The following ALCAM variants were observed in gnomAD, a reference collection of about 807,000 sequenced individuals.
ALCAM encodes CD166 antigen.
ALCAM carries 30 observed loss-of-function variants against 70.9 expected under a neutral mutation model. The observed-to-expected ratio is 0.42, with a 90% confidence interval of 0.32 to 0.57. The LOEUF is 0.57. ALCAM is among the 20% of genes least tolerant of loss of function. The probability of loss-of-function intolerance (pLI) is 0.11; values close to 1 mark genes in which losing one functional copy is unlikely to be tolerated. For missense variants in ALCAM, 591 were observed against 695.1 expected (o/e 0.85, Z 1.68); for synonymous variants, 249 against 242.5 (o/e 1.03, Z -0.25).
chr3:105,418,638 C>T (rs978093193), intron 1 of ALCAM, among the ~76,000 whole-genome samples: 1 of 151,648 alleles, frequency 6.6e-6, no homozygotes, highest in East Asian at 1.9e-4. Flanking sequence ...TTTTGTCTTG[C>T]CACTAAGTTA....
intron 1 of ALCAM, among the ~76,000 whole-genome samples, chr3:105,468,131 C>G (rs1355203557): frequency 6.6e-6 from 1 of 151,316 alleles, no homozygotes; most frequent in Admixed American, 6.6e-5. Context: ...AGGGGAGCGT[C>G]TGATTCAGAC....
chr3:105,508,531 C>T (rs1019467143), intron 1 of ALCAM, among the ~76,000 whole-genome samples: 8 of 152,062 alleles, frequency 5.3e-5, no homozygotes, highest in Non-Finnish European at 8.8e-5. Flanking sequence ...AAGAATGTTG[C>T]AAACTATAAA....
Position 105,571,889 on chromosome 3 carries a change from A to G in ALCAM, c.1702A>G (p.Met568Val), listed in dbSNP as rs1281156023. The G allele has an allele frequency of 6.2e-7, 1 of 1,613,630 alleles. No homozygotes were observed. Among genetic ancestry groups the G allele is most frequent in the African/African-American group, 1.3e-5 (1 of 75,042 alleles). The part of the protein sequence containing the change: ...SKHVNKDLGN[M>V]EENKKLEENN... ...ACATGTAAACAAGGACCTCGGTAATATGGAAGAAAACAAAAAGTTAGAAGA... is the reference window on the plus strand; with the variant it reads ...ACATGTAAACAAGGACCTCGGTAATGTGGAAGAAAACAAAAAGTTAGAAGA... The change falls in exon 15 of 16, where the codon ATG (methionine) becomes GTG (valine). Residue 568 changes from methionine to valine, a missense_variant. Physicochemically the swap from Met to Val is conservative, Grantham distance 21. Around this residue, in one of 2 missense-constraint regions of ALCAM, gnomAD observed 164 missense variants for 244.7 expected, o/e 0.67. Transcript: ENST00000306107.
chr3:105,459,874 G>A (rs1470216405), intron 1 of ALCAM, among the ~76,000 whole-genome samples: 1 of 152,002 alleles, frequency 6.6e-6, no homozygotes, highest in African/African-American at 2.4e-5. Flanking sequence ...CACTCTAATA[G>A]ACTAATTAGA....
At chr3:105,510,398 T>G (rs950912693) in intron 1 of ALCAM, among the ~76,000 whole-genome samples, 1 of 152,090 alleles carries the variant, frequency 6.6e-6, no homozygotes, top group Non-Finnish European at 1.5e-5. Context: ...AGTGTAACCT[T>G]AGCACAAATC....
At chr3:105,493,332 A>G (rs1024780610) in intron 1 of ALCAM, among the ~76,000 whole-genome samples, 1 of 152,210 alleles carries the variant, frequency 6.6e-6, no homozygotes, top group Non-Finnish European at 1.5e-5. Flanking sequence ...AATCACATTT[A>G]TTAAGCACAT....
intron 1 of ALCAM, among the ~76,000 whole-genome samples, chr3:105,484,046 C>T (rs1416292357): frequency 2.0e-5 from 3 of 151,838 alleles, no homozygotes; most frequent in Non-Finnish European, 4.4e-5. Context: ...AGAAAGCTGT[C>T]GCCTAACATT....
At position 105,533,700 on chromosome 3, in the gene ALCAM, A is replaced by G. The variant is rs753218420; in HGVS notation, c.547+10A>G. ...CATCCCCTTGAAGGAGGTGGGTGTG[A>G]GGGCAGGAGGACAGGGAGTACATTC... On this transcript the variant is annotated intron_variant, in intron 5 of 15. Transcript: ENST00000306107. The G allele has an allele frequency of 2.4e-5, 38 of 1,608,540 alleles. No homozygotes were observed. The South Asian group carries it at 4.1e-4, about 17-fold the overall frequency.
chr3:105,496,827 G>GGT lies in ALCAM; in HGVS notation c.74-23212_74-23211dup, dbSNP rs1553728769. On this transcript the variant is annotated intron_variant, in intron 1 of 15. Coordinates refer to ENST00000306107, the MANE Select transcript of ALCAM (RefSeq NM_001627.4). The stretch of plus-strand genomic sequence containing the variant: ...TTAGATATTCTGATAGTCCAATTGA[G>GGT]GTGTGTGTGTGTGTGTGTGTGTGTG... Among the ~76,000 whole-genome samples, 961 of 103,882 alleles carry GGT rather than the reference G, an allele frequency of 9.3e-3. 12 individuals carry two copies. Among genetic ancestry groups the GGT allele is most frequent in the African/African-American group, 0.032 (926 of 29,060 alleles). The allele number at this position is 103,882 out of a possible 152,430, so 68.2% of individuals were successfully genotyped here. A position where few individuals can be genotyped will look rare whatever the true frequency, so the allele number is the denominator to read the frequency against.
intron 1 of ALCAM, among the ~76,000 whole-genome samples, chr3:105,470,170 C>T (rs1378506116): frequency 1.4e-5 from 2 of 147,814 alleles, no homozygotes; most frequent in Middle Eastern, 3.5e-3. Flanking sequence ...CACATATTAG[C>T]ATGGTTGATA....
At chr3:105,484,317 T>C (rs1270571113) in intron 1 of ALCAM, among the ~76,000 whole-genome samples, 1 of 149,942 alleles carries the variant, frequency 6.7e-6, no homozygotes, top group Non-Finnish European at 1.5e-5. Flanking sequence ...TATTTATTTA[T>C]ATAAACTGGG....
At chr3:105,542,157 T>C (rs868583364) in intron 8 of ALCAM, among the ~76,000 whole-genome samples, 2 of 151,964 alleles carry the variant, frequency 1.3e-5, no homozygotes, top group Middle Eastern at 3.4e-3. Context: ...CAGAATAAAT[T>C]TAACACCCAA....
chr3:105,568,572 T>C (rs1317348183), intron 14 of ALCAM, among the ~76,000 whole-genome samples: 1 of 152,216 alleles, frequency 6.6e-6, no homozygotes, highest in African/African-American at 2.4e-5. Flanking sequence ...CTTTGAAATT[T>C]CTCCCACATA....
chr3:105,372,125 T>G (rs1388562167), intron 1 of ALCAM, among the ~76,000 whole-genome samples: 1 of 152,116 alleles, frequency 6.6e-6, no homozygotes, highest in Non-Finnish European at 1.5e-5. Context: ...TTTGATTACT[T>G]TTTTTATTAG....
chr3:105,389,398 T>TA (rs1553718636), intron 1 of ALCAM, among the ~76,000 whole-genome samples: 9 of 127,886 alleles, frequency 7.0e-5, no homozygotes, highest in East Asian at 5.4e-4. Context: ...TTTTTTTTTT[T>TA]CTAAAAAACA....
intron 1 of ALCAM, among the ~76,000 whole-genome samples, chr3:105,403,006 G>A (rs1278167110): frequency 7.8e-6 from 1 of 128,970 alleles, no homozygotes; most frequent in African/African-American, 3.0e-5. Flanking sequence ...GAGTGCAATT[G>A]TGCAATCTCA....
At chr3:105,550,081 T>C in intron 11 of ALCAM, 46 bp from the exon 12 acceptor site, 1 of 1,516,002 alleles carries the variant, frequency 6.6e-7, no homozygotes, top group Non-Finnish European at 9.1e-7. Context: ...CTATGCTTTT[T>C]AATCCATTTT....
At chr3:105,460,968 A>G (rs766645032) in intron 1 of ALCAM, among the ~76,000 whole-genome samples, 8 of 149,736 alleles carry the variant, frequency 5.3e-5, no homozygotes, top group Non-Finnish European at 9.0e-5. Flanking sequence ...TAGAAGCTTC[A>G]GGACTTTTTA....
chr3:105,528,732 G>A (rs1401661512), intron 3 of ALCAM, among the ~76,000 whole-genome samples: 4 of 152,122 alleles, frequency 2.6e-5, no homozygotes, highest in Non-Finnish European at 5.9e-5. Context: ...CCTTTCAGAG[G>A]GAGGAGGGTA....
Sources: gnomAD v4.1 joint callset for allele counts (sites outside exome capture counted in the v4.1 genomes callset) on GRCh38, gnomAD v4.1.1 for gene constraint, gnomAD v4.1.1 regional missense constraint, MANE v1.5 for transcripts, NCBI Gene and HGNC (gene_info 2026-07-23, HGNC 2026-07-21) for gene names.